The following TRAPPC6B variants were observed in gnomAD, a reference collection of about 807,000 sequenced individuals.
The protein encoded by TRAPPC6B is trafficking protein particle complex subunit 6B.
Under a neutral mutation model 24.7 loss-of-function variants are expected in TRAPPC6B, and 27 were observed. That is an observed-to-expected ratio of 1.09 (90% CI 0.81 to 1.51). The LOEUF (loss-of-function observed/expected upper bound fraction) is 1.51, where lower values mean the gene tolerates loss of function less well. Ranked by LOEUF, TRAPPC6B falls within the 40% of genes most tolerant of loss-of-function variation. The pLI, the probability that TRAPPC6B is intolerant of heterozygous loss-of-function variation, is 0.00. For missense variants in TRAPPC6B, 212 were observed against 190.8 expected (o/e 1.11, Z -0.66); for synonymous variants, 80 against 66.6 (o/e 1.20, Z -0.98).
chr14:39,162,494 T>C (rs1004145018), intron 1 of TRAPPC6B, among the ~76,000 whole-genome samples: 3 of 152,182 alleles, frequency 2.0e-5, no homozygotes, highest in Admixed American at 6.5e-5. Context: ...CTGCTTATAA[T>C]TGATTTTCAG....
chr14:39,169,218 TTAACTATTC>T (rs925712067), intron 1 of TRAPPC6B, among the ~76,000 whole-genome samples: 6 of 152,338 alleles, frequency 3.9e-5, no homozygotes, highest in Admixed American at 1.3e-4. Flanking sequence ...ATACTCAGTG[TTAACTATTC>T]ATTAAATCAC....
intron 1 of TRAPPC6B, among the ~76,000 whole-genome samples, chr14:39,168,949 T>C (rs1207486599): frequency 6.6e-6 from 1 of 152,218 alleles, no homozygotes; most frequent in Non-Finnish European, 1.5e-5. Flanking sequence ...AGATCCGAAT[T>C]CTTTAATTAC....
At position 39,147,860 on chromosome 14, in the gene TRAPPC6B, T is replaced by G. The variant is rs1371389668; in HGVS notation, c.*2490A>C. The G allele has an allele frequency of 6.6e-6, 1 of 152,198 alleles. No individual in the cohort carries two copies. The highest frequency in any genetic ancestry group is 1.5e-5 in the Non-Finnish European group (1 of 68,044). The allele number at this position is 152,198 out of a possible 1,614,324, so 9.4% of individuals were successfully genotyped here. A position where few individuals can be genotyped will look rare whatever the true frequency, so the allele number is the denominator to read the frequency against. On this transcript the variant is annotated 3_prime_UTR_variant, in exon 6 of 6. Coordinates refer to ENST00000330149, the MANE Select transcript of TRAPPC6B (RefSeq NM_001079537.2). ...ATTGTTTTACAAGTGAACCTTTAAG[T>G]TTCTCCCCACCTACTCCCGCAGAAA... is the stretch of plus-strand genomic sequence containing the variant.
At chr14:39,153,462 TAAAA>T (rs973315125) in intron 4 of TRAPPC6B, among the ~76,000 whole-genome samples, 1 of 143,856 alleles carries the variant, frequency 7.0e-6, no homozygotes, top group Admixed American at 6.9e-5. Context: ...ATCCCATCTC[TAAAA>T]AATTTTTTTA....
chr14:39,153,267 A>AG (rs1182151081), intron 4 of TRAPPC6B, among the ~76,000 whole-genome samples: 1 of 151,750 alleles, frequency 6.6e-6, no homozygotes, highest in Non-Finnish European at 1.5e-5. Context: ...AAAAAAAAAA[A>AG]AGAGAGAAAA....
intron 3 of TRAPPC6B, chr14:39,157,570 C>T (rs141778716): frequency 7.8e-5 from 30 of 384,814 alleles, no homozygotes; most frequent in African/African-American, 5.7e-4. Flanking sequence ...TGTCTTCCTG[C>T]CTGCCTTGTG....
intron 4 of TRAPPC6B, 70 bp downstream of exon 4, chr14:39,154,141 T>C (rs926135344): frequency 2.2e-6 from 2 of 897,690 alleles, no homozygotes; most frequent in African/African-American, 1.7e-5. Context: ...TAGTTTGTTA[T>C]GATTAGCACT....
chr14:39,158,341 C>A lies in TRAPPC6B; in HGVS notation c.211G>T (p.Asp71Tyr). The A allele has an allele frequency of 6.2e-7, 1 of 1,604,108 alleles. No individual in the cohort carries two copies. The highest frequency in any genetic ancestry group is 8.5e-7 in the Non-Finnish European group (1 of 1,177,926). ...ELDIMKFICK[D>Y]FWTTVFKKQI... is the part of the protein sequence containing the mutation. ...TTCTTGAATACCGTAGTCCAAAAAT[C>A]TTTACAAATGAACTTCATGATATCT... is the stretch of plus-strand genomic sequence containing the variant. Residue 71 changes from aspartate (D) to tyrosine (Y), a missense_variant, in exon 3 of 6, where the codon GAT (aspartate) becomes TAT (tyrosine). By Grantham distance (160) the Asp-to-Tyr change is radical (BLOSUM62 -3). Transcript: ENST00000330149.
In TRAPPC6B at chr14:39,170,099, C is replaced by G; in HGVS notation, c.-4G>C. The G allele has an allele frequency of 6.2e-7, 1 of 1,614,140 alleles. No homozygotes were observed. On this transcript the variant is annotated 5_prime_UTR_variant, in exon 1 of 6. Coordinates refer to ENST00000330149, the MANE Select transcript of TRAPPC6B (RefSeq NM_001079537.2). The stretch of plus-strand genomic sequence containing the variant: ...AAAACAACGCCTCATCCGCCATTTC[C>G]TGCTAATTCTTCCAAGCTTCGAGTT...
Position 39,159,525 on chromosome 14 carries a change from A to G in TRAPPC6B, c.107T>C (p.Leu36Pro). 1.2e-6 allele frequency: 2 copies of G among 1,605,640 alleles called. No homozygotes were observed. The highest frequency in any genetic ancestry group is 1.3e-5 in the African/African-American group (1 of 74,784). Residue 36 changes from leucine (L) to proline (P), a missense_variant, in exon 2 of 6, where the codon CTG becomes CCG. Physicochemically the swap from Leu to Pro is moderately conservative, Grantham distance 98. Coordinates refer to ENST00000330149, the MANE Select transcript of TRAPPC6B (RefSeq NM_001079537.2). ...EVENGRCITK[L>P]ENMGFRVGQG... The stretch of plus-strand genomic sequence containing the variant: ...TCCCACTCGAAACCCCATGTTTTCC[A>G]GCTTAGTAATACATCGTCCGTTTTC...
At chr14:39,167,440 C>T (rs1164677476) in intron 1 of TRAPPC6B, among the ~76,000 whole-genome samples, 2 of 151,958 alleles carry the variant, frequency 1.3e-5, no homozygotes, top group African/African-American at 4.8e-5. Context: ...ATCCTGTCAG[C>T]GAGAAATGGA....
intron 3 of TRAPPC6B, 57 bp downstream of exon 3, chr14:39,158,228 C>T (rs1472121893): frequency 2.4e-5 from 22 of 925,306 alleles, no homozygotes; most frequent in South Asian, 1.1e-4. Context: ...CACTAAAATA[C>T]GATATTTATA....
chr14:39,162,246 A>G (rs1328178595), intron 1 of TRAPPC6B, among the ~76,000 whole-genome samples: 1 of 152,006 alleles, frequency 6.6e-6, no homozygotes, highest in Non-Finnish European at 1.5e-5. Flanking sequence ...TTGAAGCTTT[A>G]AATTCCTGGG....
In TRAPPC6B at chr14:39,154,336, A is replaced by G. The variant is rs182141172; in HGVS notation, c.268-42T>C. 138 of 1,123,384 alleles carry G rather than the reference A, an allele frequency of 1.2e-4. No individual in the cohort carries two copies. In the African/African-American group the frequency reaches 2.1e-3, roughly 17 times the overall value. 69.6% of individuals were successfully genotyped at this position (1,123,384 alleles called of 1,614,324 possible). On this transcript the variant is annotated intron_variant, in intron 3 of 5. Transcript: ENST00000330149. ...AAAAAAATCCAAAGTCAATGTACCT[A>G]GCAGTCCTTAAAATTATTTTATTCT... is the stretch of plus-strand genomic sequence containing the variant.
At position 39,154,205 on chromosome 14, in the gene TRAPPC6B, A is replaced by T. The variant is rs894811972; in HGVS notation, c.351+6T>A. On this transcript the variant is annotated splice_donor_region_variant and intron_variant, in intron 4 of 5. Coordinates refer to ENST00000330149, the MANE Select transcript of TRAPPC6B (RefSeq NM_001079537.2). ...CAAAAACCCCAACTTCTATTCCATT[A>T]AATACCTTAGATGCATGTTCTAAAT... is the stretch of plus-strand genomic sequence containing the variant. 1.3e-6 allele frequency: 2 copies of T among 1,594,368 alleles called. No individual in the cohort carries two copies. The highest frequency in any genetic ancestry group is 3.4e-5 in the Admixed American group (2 of 59,366).
chr14:39,168,174 C>T (rs2053126623), intron 1 of TRAPPC6B, among the ~76,000 whole-genome samples: 1 of 149,312 alleles, frequency 6.7e-6, no homozygotes, highest in Non-Finnish European at 1.5e-5. Context: ...TGAGATCACA[C>T]CACTGCACTC....
At chr14:39,152,046 G>T (rs1265298042) in intron 4 of TRAPPC6B, among the ~76,000 whole-genome samples, 1 of 152,106 alleles carries the variant, frequency 6.6e-6, no homozygotes, top group East Asian at 1.9e-4. Context: ...TAAGACTTAA[G>T]CTCAGCCAAT....
intron 5 of TRAPPC6B, among the ~76,000 whole-genome samples, chr14:39,151,389 C>CAAAAAAA (rs11288695): frequency 1.3e-5 from 1 of 78,736 alleles, no homozygotes; most frequent in African/African-American, 4.7e-5. Context: ...GACTCCGTCT[C>CAAAAAAA]AAAAAAAAAA....
At chr14:39,162,134 T>C (rs574884057) in intron 1 of TRAPPC6B, among the ~76,000 whole-genome samples, 13 of 152,312 alleles carry the variant, frequency 8.5e-5, no homozygotes, top group African/African-American at 2.6e-4. Flanking sequence ...AAGCTAAGAA[T>C]AGACGTTCCT....
Sources: allele counts gnomAD v4.1 joint callset (sites outside exome capture counted in the v4.1 genomes callset), GRCh38; gene constraint gnomAD v4.1.1; transcripts MANE v1.5; gene names NCBI Gene and HGNC (gene_info 2026-07-23, HGNC 2026-07-21).